The following SLC16A7 variants were observed in gnomAD, a reference collection of about 807,000 sequenced individuals.
SLC16A7 encodes the protein solute carrier family 16 member 7.
SLC16A7 carries 33 observed loss-of-function variants against 34.9 expected under a neutral mutation model. The observed-to-expected ratio is 0.94, with a 90% confidence interval of 0.72 to 1.26. The LOEUF is 1.26. Among genes scored for constraint, SLC16A7 ranks in the 50% most tolerant of loss-of-function variants. The pLI is 0.00. For missense variants in SLC16A7, 573 were observed against 578.1 expected, an observed-to-expected ratio of 0.99 and a Z score of 0.09; for synonymous variants, 201 against 206.6, an observed-to-expected ratio of 0.97 and a Z score of 0.23.
chr12:59,774,463 TGTC>T (rs1167082316), intron 4 of SLC16A7, among the ~76,000 whole-genome samples, 191 bp from the exon 5 acceptor site: 2 of 152,214 alleles, frequency 1.3e-5, no homozygotes, highest in Non-Finnish European at 2.9e-5. Context: ...GAAATGAAAC[TGTC>T]GTTTCAAGTG....
At chr12:59,733,592 G>T in intron 3 of SLC16A7, 1 of 391,680 alleles carries the variant, frequency 2.6e-6, no homozygotes. Flanking sequence ...CTGGCTCAGG[G>T]ATCCTAGACC....
At chr12:59,711,184 A>G (rs1280864451) in intron 3 of SLC16A7, among the ~76,000 whole-genome samples, 1 of 152,220 alleles carries the variant, frequency 6.6e-6, no homozygotes, top group Non-Finnish European at 1.5e-5. Flanking sequence ...GGAACTATGT[A>G]TCTGAGATAG....
chr12:59,619,388 G>A (rs918702990), intron 1 of SLC16A7, among the ~76,000 whole-genome samples: 1 of 151,978 alleles, frequency 6.6e-6, no homozygotes, highest in Non-Finnish European at 1.5e-5. Context: ...CAATTAAAAG[G>A]TTTGCAGGCA....
chr12:59,627,954 C>A (rs546383818), intron 1 of SLC16A7, among the ~76,000 whole-genome samples: 1 of 151,332 alleles, frequency 6.6e-6, no homozygotes, highest in South Asian at 2.1e-4. Context: ...TTAATATCCA[C>A]CCAATCTTCC....
intron 1 of SLC16A7, among the ~76,000 whole-genome samples, chr12:59,601,587 G>C (rs1170921999): frequency 6.6e-6 from 1 of 152,194 alleles, no homozygotes; most frequent in Non-Finnish European, 1.5e-5. Context: ...TTTCATTGCA[G>C]AGCATTGGGT....
intron 1 of SLC16A7, among the ~76,000 whole-genome samples, chr12:59,600,787 T>C (rs1438256154): frequency 6.6e-6 from 1 of 152,182 alleles, no homozygotes; most frequent in East Asian, 1.9e-4. Context: ...CCATAGACAA[T>C]TTCAACATAT....
At chr12:59,776,686 A>AT (rs201392338) in intron 5 of SLC16A7, among the ~76,000 whole-genome samples, 33 of 149,496 alleles carry the variant, frequency 2.2e-4, no homozygotes, top group African/African-American at 7.6e-4. Flanking sequence ...TTGTCTCTTC[A>AT]TTTTTTTTTC....
chr12:59,657,556 G>T (rs1868597855), intron 2 of SLC16A7, among the ~76,000 whole-genome samples: 1 of 151,936 alleles, frequency 6.6e-6, no homozygotes, highest in African/African-American at 2.4e-5. Context: ...TGTTGAGAGA[G>T]GAGTCTCTTA....
chr12:59,761,729 C>T (rs1881037209), intron 3 of SLC16A7, among the ~76,000 whole-genome samples: 1 of 151,928 alleles, frequency 6.6e-6, no homozygotes, highest in Non-Finnish European at 1.5e-5. Flanking sequence ...TGGCTGAGGC[C>T]CAGGCATAAT....
chr12:59,737,373 C>T (rs1020762292), intron 3 of SLC16A7, among the ~76,000 whole-genome samples: 15 of 152,178 alleles, frequency 9.9e-5, no homozygotes, highest in African/African-American at 3.6e-4. Context: ...AGAGGAATTT[C>T]AGACCAGTTT....
chr12:59,705,001 C>T lies in SLC16A7; in HGVS notation c.200C>T (p.Ala67Val). 5.6e-6 allele frequency: 9 copies of T among 1,608,974 alleles called. No individual in the cohort carries two copies. The highest frequency in any genetic ancestry group is 7.7e-6 in the Non-Finnish European group (9 of 1,175,576). Residue 67 changes from alanine to valine, a missense_variant, in exon 3 of 6, where the codon GCT becomes GTT. Physicochemically the swap from Ala to Val is moderately conservative, Grantham distance 64. Coordinates refer to ENST00000547379, the MANE Select transcript of SLC16A7 (RefSeq NM_001270623.2). ...GCATGGATTTCATCCATTATGCTGGCTGTTATGTACGCAGGAGGTAAGCTT... is the reference window on the plus strand; with the variant it reads ...GCATGGATTTCATCCATTATGCTGGTTGTTATGTACGCAGGAGGTAAGCTT... The part of the protein sequence containing the change: ...EIAWISSIML[A>V]VMYAGGPVSS...
intron 2 of SLC16A7, among the ~76,000 whole-genome samples, chr12:59,692,306 C>T (rs1423523326): frequency 1.3e-5 from 2 of 151,936 alleles, no homozygotes; most frequent in East Asian, 3.9e-4. Flanking sequence ...TCTCAACAGC[C>T]TTAATTTATA....
chr12:59,767,749 A>G (rs996716369), intron 3 of SLC16A7, among the ~76,000 whole-genome samples: 2 of 152,124 alleles, frequency 1.3e-5, no homozygotes, highest in Non-Finnish European at 2.9e-5. Context: ...AAGGAGGTTA[A>G]TATTGTTTTC....
Position 59,644,335 on chromosome 12 carries a change from G to A in SLC16A7, c.-129-10817G>A, listed in dbSNP as rs148790908. Among the ~76,000 whole-genome samples the A allele has an allele frequency of 2.5e-4, 38 of 152,232 alleles. 1 individual carries two copies. The East Asian group carries it at 7.4e-3, about 30-fold the overall frequency. Reference sequence around the variant, plus strand: ...TAATCCCAGCAGTTTGGGAGGCTGAGGTGGGTGGATTACTTGATGTCAGGA... The same window carrying A: ...TAATCCCAGCAGTTTGGGAGGCTGAAGTGGGTGGATTACTTGATGTCAGGA... On this transcript the variant is annotated intron_variant, in intron 1 of 5. Coordinates refer to ENST00000547379, the MANE Select transcript of SLC16A7 (RefSeq NM_001270623.2).
chr12:59,609,697 A>C (rs567787458), intron 1 of SLC16A7, among the ~76,000 whole-genome samples: 2 of 152,292 alleles, frequency 1.3e-5, no homozygotes, highest in Admixed American at 1.3e-4. Flanking sequence ...TCTACATTTT[A>C]TTAGGCCTCT....
intron 3 of SLC16A7, among the ~76,000 whole-genome samples, chr12:59,763,011 G>A (rs947557357): frequency 4.6e-5 from 7 of 151,740 alleles, no homozygotes; most frequent in Non-Finnish European, 2.9e-5. Context: ...CAAAAACATT[G>A]CACATACATC....
chr12:59,770,719 ATAAAT>A (rs1882139386), intron 3 of SLC16A7, among the ~76,000 whole-genome samples: 2 of 152,156 alleles, frequency 1.3e-5, no homozygotes, highest in African/African-American at 4.8e-5. Context: ...CTTAGAATCA[ATAAAT>A]TATAGTATTA....
chr12:59,672,617 G>T (rs561076035), intron 2 of SLC16A7, among the ~76,000 whole-genome samples: 9 of 151,740 alleles, frequency 5.9e-5, no homozygotes, highest in Non-Finnish European at 1.0e-4. Context: ...TCATCATTTA[G>T]GTTAGATATT....
At chr12:59,752,370 G>T (rs185011413) in intron 3 of SLC16A7, among the ~76,000 whole-genome samples, 1 of 152,090 alleles carries the variant, frequency 6.6e-6, no homozygotes, top group Non-Finnish European at 1.5e-5. Flanking sequence ...AAATTTAGAC[G>T]AATGTATAAC....
Sources: allele counts gnomAD v4.1 joint callset (sites outside exome capture counted in the v4.1 genomes callset), GRCh38; gene constraint gnomAD v4.1.1; transcripts MANE v1.5; gene names NCBI Gene and HGNC (gene_info 2026-07-23, HGNC 2026-07-21).